The following FNBP1 variants were observed in gnomAD, a reference collection of about 807,000 sequenced individuals.
The protein encoded by FNBP1 is formin-binding protein 1.
In FNBP1, 26 loss-of-function variants were observed where a neutral mutation model predicts 90.6. The observed-to-expected ratio is 0.29, with a 90% CI of 0.21 to 0.40. FNBP1 has a LOEUF of 0.40. Ranked by LOEUF, FNBP1 falls within the 10% of genes least tolerant of loss-of-function variation. The pLI is 1.00. For missense variants in FNBP1, 635 were observed against 768.0 expected (o/e 0.83, Z 2.05); for synonymous variants, 260 against 265.2 (o/e 0.98, Z 0.19).
At chr9:129,978,351 T>G in intron 4 of FNBP1, 114 bp downstream of exon 4, 1 of 876,996 alleles carries the variant, frequency 1.1e-6, no homozygotes, top group Non-Finnish European at 1.7e-6. Flanking sequence ...TTCTCAAAGG[T>G]ATGAGTTTAA....
chr9:130,040,987 T>G (rs1308198390), intron 1 of FNBP1, among the ~76,000 whole-genome samples: 1 of 149,462 alleles, frequency 6.7e-6, no homozygotes, highest in Non-Finnish European at 1.5e-5. Context: ...ATTTTTTTCT[T>G]TTTTCTTTTT....
chr9:129,930,533 T>C (rs1564361140), intron 6 of FNBP1, among the ~76,000 whole-genome samples: 1 of 152,216 alleles, frequency 6.6e-6, no homozygotes, highest in Admixed American at 6.5e-5. Context: ...TTTATGTTTT[T>C]TGAGGAGTGC....
Position 129,973,823 on chromosome 9 carries a change from T to G in FNBP1, c.345+4642A>C, listed in dbSNP as rs574206801. ...TGGCCTCTTCTTTTTTTTTCTTTTT[T>G]TTTTTGAGACAGGGTCTCACTCTGT... On this transcript the variant is annotated intron_variant, in intron 4 of 16. Transcript: ENST00000446176. Among the ~76,000 whole-genome samples, 5 of 149,396 alleles carry G rather than the reference T, an allele frequency of 3.3e-5. No homozygotes were observed. In the South Asian group the frequency reaches 1.1e-3, roughly 32 times the overall value.
At chr9:129,906,556 G>A (rs2038095470) in intron 12 of FNBP1, among the ~76,000 whole-genome samples, 1 of 152,172 alleles carries the variant, frequency 6.6e-6, no homozygotes, top group African/African-American at 2.4e-5. Context: ...TGTAAGACAT[G>A]CCTTTGCTCC....
In FNBP1 at chr9:129,900,833, T is replaced by C. The variant is rs2036786350; in HGVS notation, c.1429-286A>G. On this transcript the variant is annotated intron_variant, in intron 13 of 16. Coordinates refer to ENST00000446176, the MANE Select transcript of FNBP1 (RefSeq NM_015033.3). This position sits in a 1 kb window ranked among gnomAD's most constrained non-coding sequence, Gnocchi z 4.1. Reference sequence around the variant, plus strand: ...CTCATATTTATGTGGTTGCCCACGATGGGGCAGAAAGCACACTGGACTATG... The same window carrying C: ...CTCATATTTATGTGGTTGCCCACGACGGGGCAGAAAGCACACTGGACTATG... Among the ~76,000 whole-genome samples the C allele has an allele frequency of 5.9e-5, 9 of 152,264 alleles. No individual in the cohort carries two copies. The highest frequency in any genetic ancestry group is 5.9e-4 in the Admixed American group (9 of 15,292).
Position 129,984,550 on chromosome 9 carries a change from C to T in FNBP1, c.141-5176G>A, listed in dbSNP as rs367639208. Among the ~76,000 whole-genome samples, 7 of 152,234 alleles carry T rather than the reference C, an allele frequency of 4.6e-5. No homozygotes were observed. In the East Asian group the frequency reaches 1.4e-3, roughly 29 times the overall value. Reference sequence around the variant, plus strand: ...GCCTTGGGCAGGAGCCGGGGCTCACCCCCCGGAGGTCCACTTTCCAGACCT... The same window carrying T: ...GCCTTGGGCAGGAGCCGGGGCTCACTCCCCGGAGGTCCACTTTCCAGACCT... On this transcript the variant is annotated intron_variant, in intron 2 of 16. Transcript: ENST00000446176.
chr9:130,041,154 A>G lies in FNBP1; in HGVS notation c.24+1798T>C, dbSNP rs557815087. 3.3e-5 allele frequency among the ~76,000 whole-genome samples: 5 copies of G among 151,856 alleles called. No individual in the cohort carries two copies. The South Asian group carries it at 8.3e-4, about 25-fold the overall frequency. On this transcript the variant is annotated intron_variant, in intron 1 of 16. Coordinates refer to ENST00000446176, the MANE Select transcript of FNBP1 (RefSeq NM_015033.3). The surrounding 1 kb of genome is among the most constrained non-coding windows in gnomAD (Gnocchi z 4.3). ...GCCCGGCCTCTCTCATTTATTTTCA[A>G]TCACTCCTAACCCTGCCTTCCTTCC... is the stretch of plus-strand genomic sequence containing the variant.
intron 10 of FNBP1, among the ~76,000 whole-genome samples, chr9:129,922,137 G>A (rs1489239487): frequency 1.3e-5 from 2 of 151,960 alleles, no homozygotes; most frequent in Non-Finnish European, 2.9e-5. Flanking sequence ...ACTGGGCCCA[G>A]TCTAAAGATC....
intron 11 of FNBP1, among the ~76,000 whole-genome samples, chr9:129,909,497 C>T (rs555897904): frequency 4.6e-5 from 7 of 152,180 alleles, no homozygotes; most frequent in East Asian, 1.9e-4. Context: ...AAAGTCTCCA[C>T]CCCTGTAAAG....
Position 129,911,249 on chromosome 9 carries a change from T to G in FNBP1, c.1186-2250A>C, listed in dbSNP as rs577329525. Among the ~76,000 whole-genome samples, 20 of 152,172 alleles carry G rather than the reference T, an allele frequency of 1.3e-4. 1 individual carries two copies. Among genetic ancestry groups the G allele is most frequent in the Middle Eastern group, 6.3e-3 (2 of 316 alleles). The stretch of plus-strand genomic sequence containing the variant: ...TATCTGACCTCCACGTGCCCTTCTT[T>G]CACCTGCCCAAGGCAGGATTCTGAT... On this transcript the variant is annotated intron_variant, in intron 11 of 16. Coordinates refer to ENST00000446176, the MANE Select transcript of FNBP1 (RefSeq NM_015033.3).
At chr9:129,955,535 CAAAA>C (rs879542398) in intron 6 of FNBP1, among the ~76,000 whole-genome samples, 2 of 124,034 alleles carry the variant, frequency 1.6e-5, no homozygotes, top group African/African-American at 6.0e-5. Context: ...TACACCACAC[CAAAA>C]AAAAAAAAAA....
Position 129,890,582 on chromosome 9 carries a change from T to C in FNBP1, c.1847-36A>G, listed in dbSNP as rs374261144. 12 of 1,563,460 alleles carry C rather than the reference T, an allele frequency of 7.7e-6. No individual in the cohort carries two copies. The highest frequency in any genetic ancestry group is 9.5e-6 in the Non-Finnish European group (11 of 1,153,360). ...AAGAGAAACAGAAAGAGAAACTCTCTGTTAGAGAGGAAGGCGCGGGTTCCA... is the reference window on the plus strand; with the variant it reads ...AAGAGAAACAGAAAGAGAAACTCTCCGTTAGAGAGGAAGGCGCGGGTTCCA... On this transcript the variant is annotated intron_variant, in intron 16 of 16. Transcript: ENST00000446176. This position sits in a 1 kb window ranked among gnomAD's most constrained non-coding sequence, Gnocchi z 5.8.
chr9:129,908,993 T>C lies in FNBP1; in HGVS notation c.1192A>G (p.Thr398Ala), dbSNP rs755926087. Residue 398 changes from threonine (T) to alanine (A), a missense_variant, in exon 12 of 17, where the codon ACA becomes GCA. Physicochemically the swap from Thr to Ala is moderately conservative, Grantham distance 58. Transcript: ENST00000446176. ...GGGAGGTTGCTGAAATCCTCCGGTG[T>C]TGCACCCTGCAGACACAAATATAAA... Reference protein sequence around the residue: ...KRGLSLKLGATPEDFSNLPPE... With the variant: ...KRGLSLKLGAAPEDFSNLPPE... The C allele has an allele frequency of 1.9e-6, 3 of 1,610,486 alleles. No individual in the cohort carries two copies. Among genetic ancestry groups the C allele is most frequent in the Non-Finnish European group, 1.7e-6 (2 of 1,176,920 alleles).
intron 1 of FNBP1, among the ~76,000 whole-genome samples, chr9:130,003,572 A>C (rs1589199060): frequency 2.0e-5 from 3 of 151,774 alleles, no homozygotes. Context: ...TCATTACTGC[A>C]CTCCAGCCTG....
intron 1 of FNBP1, among the ~76,000 whole-genome samples, chr9:130,039,769 A>G (rs1364631510): frequency 3.9e-5 from 6 of 152,188 alleles, no homozygotes; most frequent in Non-Finnish European, 5.9e-5. Context: ...CTCCCTCTAC[A>G]AAGCAGGATG....
intron 1 of FNBP1, among the ~76,000 whole-genome samples, chr9:130,037,057 A>AAAG (rs1260667521): frequency 6.7e-6 from 1 of 149,112 alleles, no homozygotes; most frequent in Non-Finnish European, 1.5e-5. Flanking sequence ...AAAAAAAAAA[A>AAAG]GAAAAAGGAG....
At chr9:129,898,768 G>A (rs534123848) in intron 15 of FNBP1, among the ~76,000 whole-genome samples, 3 of 152,194 alleles carry the variant, frequency 2.0e-5, no homozygotes, top group South Asian at 2.1e-4. Context: ...GATTACAGGC[G>A]TGAGCCACTG....
intron 1 of FNBP1, among the ~76,000 whole-genome samples, chr9:130,037,225 TG>T (rs2059399832): frequency 6.7e-6 from 1 of 150,308 alleles, no homozygotes; most frequent in East Asian, 2.0e-4. Flanking sequence ...CAGGGCATGG[TG>T]GTGGGGGCCT....
At chr9:130,021,625 C>T (rs1462781375) in intron 1 of FNBP1, among the ~76,000 whole-genome samples, 2 of 152,110 alleles carry the variant, frequency 1.3e-5, no homozygotes, top group African/African-American at 4.8e-5. Flanking sequence ...ACCTAATATA[C>T]TCTCATTACC....
Sources: gnomAD v4.1 joint callset for allele counts (sites outside exome capture counted in the v4.1 genomes callset) on GRCh38, gnomAD v4.1.1 for gene constraint, Gnocchi (gnomAD v3.1) non-coding constraint, MANE v1.5 for transcripts, NCBI Gene and HGNC (gene_info 2026-07-23, HGNC 2026-07-21) for gene names.